SV2A: variants seen among roughly 807,000 people sequenced by gnomAD.
SV2A encodes the protein solute carrier family 22 member B1.
A neutral mutation model predicts 78.0 loss-of-function variants in SV2A; 25 were observed. The ratio of observed to expected loss-of-function variants is 0.32; its 90% CI spans 0.23 to 0.45. The LOEUF (loss-of-function observed/expected upper bound fraction) is 0.45. SV2A is among the 20% of genes least tolerant of loss of function. The pLI is 1.00. For missense variants in SV2A, 752 were observed against 971.5 expected (o/e 0.77, Z 3.00); for synonymous variants, 355 against 384.7 (o/e 0.92, Z 0.90).
chr1:149,905,694 CG>C, intron 12 of SV2A, 185 bp downstream of exon 12: 1 of 738,684 alleles, frequency 1.4e-6, no homozygotes. Context: ...CTGCCTGCCT[CG>C]GCCTCCCAAA....
At position 149,905,889 on chromosome 1, in the gene SV2A, G is replaced by T; in HGVS notation, c.2036C>A (p.Ser679Ter). 1 of 1,613,970 alleles carries T rather than the reference G, an allele frequency of 6.2e-7. No individual in the cohort carries two copies. Among genetic ancestry groups the T allele is most frequent in the Non-Finnish European group, 8.5e-7 (1 of 1,179,982 alleles). The change falls in exon 12 of 13, where the codon TCA (serine) becomes TAA (stop). Residue 679 changes from serine (S) to a stop codon, truncating the protein, a stop_gained. Coordinates refer to ENST00000369146, the MANE Select transcript of SV2A (RefSeq NM_014849.5). LOFTEE classifies it high-confidence loss of function. ...AACACATTCCAACTACCTCTTGTCT[G>T]AGGGGTAGAGTTCAACAGTCAACAC... ...LDVLTVELYP[S>*]DKRTTAFGFL...
intron 2 of SV2A, among the ~76,000 whole-genome samples, chr1:149,912,783 TC>T (rs199582385): frequency 6.8e-5 from 7 of 102,628 alleles, no homozygotes; most frequent in Admixed American, 1.0e-4. Flanking sequence ...TCCAGGACCC[TC>T]CCCCCCTCCC....
intron 2 of SV2A, 148 bp downstream of exon 2, chr1:149,913,071 G>C: frequency 9.8e-7 from 1 of 1,024,252 alleles, no homozygotes. Context: ...GTGTGTGAGG[G>C]AAGAGTGTGC....
Position 149,914,161 on chromosome 1 carries a change from G to T in SV2A, c.-321C>A. 3 of 275,080 alleles carry T rather than the reference G, an allele frequency of 1.1e-5. No individual in the cohort carries two copies. The highest frequency in any genetic ancestry group is 2.1e-5 in the Non-Finnish European group (3 of 145,592). The allele number at this position is 275,080 out of a possible 1,614,324, so 17.0% of individuals were successfully genotyped here. A position where few individuals can be genotyped will look rare whatever the true frequency, so the allele number is the denominator to read the frequency against. On this transcript the variant is annotated 5_prime_UTR_variant, in exon 2 of 13. Coordinates refer to ENST00000369146, the MANE Select transcript of SV2A (RefSeq NM_014849.5). ...CAGGATAACTCAGGAAGGGTCGCCT[G>T]CTTCTCTTCCACAAGCCTCTGGAGA...
rs1372569670 is a variant in SV2A at position 149,911,099 on chromosome 1, A to G, written c.804-122T>C. 11 of 1,300,990 alleles carry G rather than the reference A, an allele frequency of 8.5e-6. No homozygotes were observed. In the South Asian group the frequency reaches 1.4e-4, roughly 17 times the overall value. 80.6% of individuals were successfully genotyped at this position (1,300,990 alleles called of 1,614,324 possible). On this transcript the variant is annotated intron_variant, in intron 3 of 12. Coordinates refer to ENST00000369146, the MANE Select transcript of SV2A (RefSeq NM_014849.5). ...CTTTTGAAGAGACTCCATCTCACAC[A>G]TAAAGCCTTACAAGCTCCCATGTGG...
In SV2A at chr1:149,909,939, C is replaced by T. The variant is rs782163094; in HGVS notation, c.1090-49G>A. On this transcript the variant is annotated intron_variant, in intron 5 of 12. Coordinates refer to ENST00000369146, the MANE Select transcript of SV2A (RefSeq NM_014849.5). ...ACATCCAAGTCAGCCCCTACCTGAC[C>T]CAGAGTTATAGACCCCCTCCCTCCC... The T allele has an allele frequency of 1.5e-5, 23 of 1,581,828 alleles. No individual in the cohort carries two copies. In the Admixed American group the frequency reaches 2.7e-4, roughly 19 times the overall value.
Position 149,907,820 on chromosome 1 carries a change from G to T in SV2A, c.1558C>A (p.Arg520=), listed in dbSNP as rs1326246994. ...QYFNDKFIGL[R]LKSVSFEDSL... ...TCCTCAAAGGACACTGACTTGAGCC[G>T]CAGCCCAATGAACCTGTAAGGCCAG... is the stretch of plus-strand genomic sequence containing the variant. Residue 520 remains arginine, a synonymous_variant, in exon 10 of 13, where the codon CGG becomes AGG. Transcript: ENST00000369146. The T allele has an allele frequency of 6.2e-7, 1 of 1,613,686 alleles. No homozygotes were observed. The highest frequency in any genetic ancestry group is 1.3e-5 in the African/African-American group (1 of 74,900).
intron 1 of SV2A, among the ~76,000 whole-genome samples, chr1:149,917,439 C>T (rs1224405291): frequency 3.9e-5 from 6 of 152,172 alleles, no homozygotes; most frequent in Admixed American, 2.0e-4. Context: ...CACAACCCCA[C>T]CACCACGTTA....
At chr1:149,917,437 C>G (rs1355742588) in intron 1 of SV2A, among the ~76,000 whole-genome samples, 1 of 152,170 alleles carries the variant, frequency 6.6e-6, no homozygotes, top group East Asian at 1.9e-4. Flanking sequence ...CTCACAACCC[C>G]ACCACCACGT....
At position 149,906,733 on chromosome 1, in the gene SV2A, C is replaced by T; in HGVS notation, c.1802G>A (p.Ser601Asn). ...GEGAYMVYFV[S>N]FLGTLAVLPG... ...AAGCACTGCCAGTGTCCCCAGGAAG[C>T]TCACAAAGTATACCATGTAGGCACC... Residue 601 changes from serine (S) to asparagine (N), a missense_variant, in exon 11 of 13, where the codon AGC becomes AAC. Ser to Asn is a conservative substitution (Grantham distance 46). Transcript: ENST00000369146. The T allele has an allele frequency of 6.2e-7, 1 of 1,614,246 alleles. No individual in the cohort carries two copies. The highest frequency in any genetic ancestry group is 8.5e-7 in the Non-Finnish European group (1 of 1,180,046).
In SV2A at chr1:149,905,963, CA is replaced by C; in HGVS notation, c.1961del (p.Leu654ArgfsTer19). ...TGCTGACCCCGCCAAAAAGGCAGAGCAGAGCGATCATGGCCGACTCACTGTT... is the reference window on the plus strand; with the variant it reads ...TGCTGACCCCGCCAAAAAGGCAGAGCGAGCGATCATGGCCGACTCACTGTT... ...FGNSESAMIA[L>X]LCLFGGVSIA... On this transcript the variant is annotated frameshift_variant, in exon 12 of 13. Coordinates refer to ENST00000369146, the MANE Select transcript of SV2A (RefSeq NM_014849.5). LOFTEE classifies it high-confidence loss of function. The C allele has an allele frequency of 6.2e-7, 1 of 1,614,204 alleles. No individual in the cohort carries two copies. Among genetic ancestry groups the C allele is most frequent in the Non-Finnish European group, 8.5e-7 (1 of 1,180,044 alleles).
In SV2A at chr1:149,906,018, C is replaced by A. The variant is rs1404743576; in HGVS notation, c.1907G>T (p.Cys636Phe). ...AAAAGACAGGAAGAAGCAGGAGACACAGGACATCACGCTGGAGCCAGCTGG... is the reference window on the plus strand; with the variant it reads ...AAAAGACAGGAAGAAGCAGGAGACAAAGGACATCACGCTGGAGCCAGCTGG... ...RMLAGSSVMS[C>F]VSCFFLSFGN... Residue 636 changes from cysteine (C) to phenylalanine (F), a missense_variant, in exon 12 of 13, where the codon TGT becomes TTT. By Grantham distance (205) the Cys-to-Phe change is radical. This residue lies in a region of SV2A where 186 missense variants were observed against 274.6 expected (regional missense o/e 0.68). Coordinates refer to ENST00000369146, the MANE Select transcript of SV2A (RefSeq NM_014849.5). 6.2e-7 allele frequency: 1 copy of A among 1,614,152 alleles called. No homozygotes were observed. The highest frequency in any genetic ancestry group is 1.3e-5 in the African/African-American group (1 of 75,026).
rs889869746 is a variant in SV2A at position 149,913,657 on chromosome 1, T to C, written c.184A>G (p.Ser62Gly). 4.3e-6 allele frequency: 7 copies of C among 1,614,136 alleles called. No homozygotes were observed. The highest frequency in any genetic ancestry group is 1.6e-4 in the Middle Eastern group (1 of 6,062). ...CCTTCTCCTCGGTAATAACCATCAC[T>C]GGGAGCAGGGAAGTCATCATCATCA... ...EDDDDDFPAP[S>G]DGYYRGEGTQ... The change falls in exon 2 of 13, where the codon AGT becomes GGT. Residue 62 changes from serine to glycine, a missense_variant. This residue lies in a region of SV2A where 291 missense variants were observed against 359.5 expected (regional missense o/e 0.81). Transcript: ENST00000369146.
At chr1:149,912,962 C>T (rs1372066679) in intron 2 of SV2A, among the ~76,000 whole-genome samples, 2 of 152,108 alleles carry the variant, frequency 1.3e-5, no homozygotes, top group African/African-American at 2.4e-5. Context: ...ATGAAGCAGA[C>T]CACCACCCAA....
chr1:149,908,782 C>T (rs185481660), intron 8 of SV2A, among the ~76,000 whole-genome samples: 17 of 152,248 alleles, frequency 1.1e-4, no homozygotes, highest in Non-Finnish European at 7.4e-5. Context: ...GGACTACAGG[C>T]GCCCACCACC....
intron 3 of SV2A, 26 bp downstream of exon 3, chr1:149,911,774 A>G (rs2092476908): frequency 1.9e-6 from 3 of 1,609,810 alleles, no homozygotes; most frequent in Non-Finnish European, 1.7e-6. Context: ...TCCTGCCCTC[A>G]AGGGACTTAG....
At chr1:149,905,321 G>T in intron 12 of SV2A, 124 bp from the exon 13 acceptor site, 1 of 841,434 alleles carries the variant, frequency 1.2e-6, no homozygotes, top group Non-Finnish European at 1.8e-6. Context: ...AGAGAAGGTT[G>T]GAGAGATCAG....
Position 149,911,866 on chromosome 1 carries a change from G to A in SV2A, c.737C>T (p.Ala246Val). The change falls in exon 3 of 13, where the codon GCC becomes GTC. Residue 246 changes from alanine (A) to valine (V), a missense_variant. Ala to Val is a moderately conservative substitution (Grantham distance 64). Around this residue, in one of 7 missense-constraint regions of SV2A, gnomAD observed 291 missense variants for 359.5 expected, o/e 0.81. Transcript: ENST00000369146. ...ACCCTGGACAAAAGATGAGAAGAAG[G>A]CGAAGACGCTGTTGACTGAGAGCGA... ...LISLSVNSVFAFFSSFVQGYG... is the reference protein window; with the variant it reads ...LISLSVNSVFVFFSSFVQGYG... 1.2e-6 allele frequency: 2 copies of A among 1,613,810 alleles called. No homozygotes were observed. Among genetic ancestry groups the A allele is most frequent in the Non-Finnish European group, 1.7e-6 (2 of 1,179,770 alleles).
chr1:149,909,372 T>C, intron 7 of SV2A, 89 bp downstream of exon 7: 3 of 1,542,128 alleles, frequency 1.9e-6, no homozygotes, highest in Non-Finnish European at 2.7e-6. Context: ...TCCCTTCAGC[T>C]CACCCATCAC....
Sources: gnomAD v4.1 joint callset for allele counts (sites outside exome capture counted in the v4.1 genomes callset) on GRCh38, gnomAD v4.1.1 for gene constraint, gnomAD v4.1.1 regional missense constraint, MANE v1.5 for transcripts, NCBI Gene and HGNC (gene_info 2026-07-23, HGNC 2026-07-21) for gene names.